MAP4K3: variants seen among roughly 807,000 people sequenced by gnomAD.
MAP4K3 encodes MAPK/ERK kinase kinase kinase 3.
MAP4K3 carries 94 observed loss-of-function variants against 143.5 expected under a neutral mutation model. The observed-to-expected ratio is 0.65, with a 90% CI of 0.55 to 0.78. MAP4K3 has a LOEUF of 0.78. Ranked by LOEUF, MAP4K3 falls within the 30% of genes least tolerant of loss-of-function variation. The pLI is 0.00. For synonymous variants in MAP4K3, 416 were observed against 347.2 expected, an observed-to-expected ratio of 1.20 and a Z score of -2.20; for missense variants, 1,077 against 1,068.1, an observed-to-expected ratio of 1.01 and a Z score of -0.12.
chr2:39,356,581 A>C (rs553702901), intron 2 of MAP4K3, among the ~76,000 whole-genome samples: 1 of 152,314 alleles, frequency 6.6e-6, no homozygotes, highest in African/African-American at 2.4e-5. Flanking sequence ...CTGGATTAAA[A>C]TCCTAACTCT....
chr2:39,268,374 G>A (rs1680859738), intron 26 of MAP4K3, among the ~76,000 whole-genome samples: 1 of 152,068 alleles, frequency 6.6e-6, no homozygotes, highest in South Asian at 2.1e-4. Context: ...AGGCTGGAGT[G>A]CAAGGGTGTG....
chr2:39,392,841 A>T (rs1188060432), intron 1 of MAP4K3, among the ~76,000 whole-genome samples: 1 of 152,182 alleles, frequency 6.6e-6, no homozygotes, highest in Non-Finnish European at 1.5e-5. Context: ...CCATGGGATG[A>T]CACAGTACAA....
intron 1 of MAP4K3, among the ~76,000 whole-genome samples, chr2:39,403,413 C>T (rs1286541864): frequency 6.6e-6 from 1 of 152,172 alleles, no homozygotes; most frequent in Non-Finnish European, 1.5e-5. Context: ...GAATTGCCAA[C>T]GTCCCCCATC....
At position 39,325,816 on chromosome 2, in the gene MAP4K3, GA is replaced by G; in HGVS notation, c.726-6del. 1 of 1,594,774 alleles carries G rather than the reference GA, an allele frequency of 6.3e-7. No individual in the cohort carries two copies. Among genetic ancestry groups the G allele is most frequent in the Non-Finnish European group, 8.5e-7 (1 of 1,172,152 alleles). On this transcript the variant is annotated splice_polypyrimidine_tract_variant and splice_region_variant and intron_variant, in intron 10 of 33. Transcript: ENST00000263881. ...AAGTGATGAAAACTATTTGACCTAA[GA>G]AATTTAGAAAATTAGACTTTTACAT...
At chr2:39,391,990 G>A (rs1403382845) in intron 1 of MAP4K3, among the ~76,000 whole-genome samples, 1 of 151,970 alleles carries the variant, frequency 6.6e-6, no homozygotes, top group African/African-American at 2.4e-5. Flanking sequence ...AGACCATCCT[G>A]GCCAACACGG....
intron 16 of MAP4K3, 109 bp downstream of exon 16, chr2:39,299,634 T>C: frequency 6.0e-6 from 3 of 501,122 alleles, no homozygotes; most frequent in Admixed American, 4.0e-5. Flanking sequence ...TATTGTAAAA[T>C]ATATCTACCA....
chr2:39,404,066 A>T (rs1667025445), intron 1 of MAP4K3, among the ~76,000 whole-genome samples: 1 of 152,018 alleles, frequency 6.6e-6, no homozygotes, highest in Non-Finnish European at 1.5e-5. Flanking sequence ...GCCCTGAATA[A>T]CCAGCAGCAA....
chr2:39,394,563 G>A (rs1312752920), intron 1 of MAP4K3, among the ~76,000 whole-genome samples: 1 of 152,150 alleles, frequency 6.6e-6, no homozygotes, highest in East Asian at 1.9e-4. Context: ...GTCCTCAAAG[G>A]AAGGGGTGAT....
chr2:39,321,417 A>G (rs2148511134), intron 12 of MAP4K3, among the ~76,000 whole-genome samples: 1 of 152,120 alleles, frequency 6.6e-6, no homozygotes, highest in South Asian at 2.1e-4. Context: ...AGTCATCACC[A>G]CTCCCTAATC....
intron 2 of MAP4K3, among the ~76,000 whole-genome samples, chr2:39,367,402 T>C (rs1009079427): frequency 2.0e-5 from 3 of 151,542 alleles, no homozygotes; most frequent in Admixed American, 1.3e-4. Context: ...AAGCTGGGTA[T>C]GGTGGTGTGA....
chr2:39,384,053 G>A (rs1192438288), intron 1 of MAP4K3, among the ~76,000 whole-genome samples: 1 of 151,632 alleles, frequency 6.6e-6, no homozygotes, highest in Non-Finnish European at 1.5e-5. Flanking sequence ...GATCAAGGCT[G>A]CAGTGAGCTA....
At chr2:39,317,609 T>C (rs1037198277) in intron 12 of MAP4K3, among the ~76,000 whole-genome samples, 1 of 152,036 alleles carries the variant, frequency 6.6e-6, no homozygotes, top group African/African-American at 2.4e-5. Flanking sequence ...TGACAGATAC[T>C]TTTCAAAAGA....
intron 1 of MAP4K3, among the ~76,000 whole-genome samples, chr2:39,410,652 A>AT (rs899087304): frequency 1.3e-5 from 2 of 152,198 alleles, no homozygotes; most frequent in African/African-American, 4.8e-5. Context: ...TTAAAAGATC[A>AT]TTTTTAAAAA....
chr2:39,343,585 A>G, intron 3 of MAP4K3, 133 bp from the exon 4 acceptor site: 1 of 626,668 alleles, frequency 1.6e-6, no homozygotes, highest in Non-Finnish European at 2.8e-6. Context: ...AAAATAACTA[A>G]TTAATCTTTA....
chr2:39,419,286 A>C (rs1226606342), intron 1 of MAP4K3, among the ~76,000 whole-genome samples: 1 of 152,158 alleles, frequency 6.6e-6, no homozygotes, highest in Admixed American at 6.5e-5. Flanking sequence ...AAATAAGTTT[A>C]GTTTACAGAT....
At chr2:39,411,567 T>C (rs534048716) in intron 1 of MAP4K3, among the ~76,000 whole-genome samples, 1 of 152,356 alleles carries the variant, frequency 6.6e-6, no homozygotes, top group African/African-American at 2.4e-5. Flanking sequence ...ACTACAATGT[T>C]ACAATTCTGG....
intron 23 of MAP4K3, among the ~76,000 whole-genome samples, chr2:39,279,987 T>C (rs886591790): frequency 2.0e-5 from 3 of 152,068 alleles, no homozygotes; most frequent in African/African-American, 4.8e-5. Context: ...ACCAGACTAC[T>C]GTGCAGCAGC....
At chr2:39,312,570 A>G (rs1299707751) in intron 13 of MAP4K3, among the ~76,000 whole-genome samples, 1 of 152,190 alleles carries the variant, frequency 6.6e-6, no homozygotes, top group Non-Finnish European at 1.5e-5. Flanking sequence ...AGGCATAAGG[A>G]AAAAAACAGT....
At chr2:39,320,522 C>CT (rs1320024195) in intron 12 of MAP4K3, among the ~76,000 whole-genome samples, 1 of 151,268 alleles carries the variant, frequency 6.6e-6, no homozygotes, top group Admixed American at 6.6e-5. Context: ...TTTTTTGGCC[C>CT]TTTATGTTTT....
Sources: gnomAD v4.1 joint callset for allele counts (sites outside exome capture counted in the v4.1 genomes callset) on GRCh38, gnomAD v4.1.1 for gene constraint, MANE v1.5 for transcripts, NCBI Gene and HGNC (gene_info 2026-07-23, HGNC 2026-07-21) for gene names.